Variants in PPP1R42 observed in about 807,000 individuals in gnomAD.
PPP1R42 encodes protein phosphatase 1 regulatory subunit 42, also known as leucine rich repeat containing 67.
PPP1R42 carries 34 observed loss-of-function variants against 31.0 expected under a neutral mutation model. The observed-to-expected ratio is 1.10, with a 90% confidence interval of 0.83 to 1.46. The LOEUF (loss-of-function observed/expected upper bound fraction) is 1.46, where lower values mean the gene tolerates loss of function less well. Ranked by LOEUF, PPP1R42 falls within the 40% of genes most tolerant of loss-of-function variation. The pLI, the probability that PPP1R42 is intolerant of heterozygous loss-of-function variation, is 0.00. For synonymous variants in PPP1R42, 103 were observed against 109.8 expected (o/e 0.94, Z 0.39); for missense variants, 268 against 303.0 (o/e 0.88, Z 0.86).
chr8:66,981,641 A>C (rs1814841578), intron 7 of PPP1R42, among the ~76,000 whole-genome samples: 1 of 152,112 alleles, frequency 6.6e-6, no homozygotes, highest in Admixed American at 6.5e-5. Context: ...TCATCCTCCC[A>C]AAGTGCTGGG....
chr8:67,013,563 T>C (rs568315346), intron 3 of PPP1R42, among the ~76,000 whole-genome samples: 11 of 151,740 alleles, frequency 7.2e-5, no homozygotes, highest in African/African-American at 1.9e-4. Flanking sequence ...AATAAATAAA[T>C]AAGCAAGCCA....
intron 5 of PPP1R42, among the ~76,000 whole-genome samples, chr8:67,000,019 A>T (rs1815437742): frequency 6.6e-6 from 1 of 152,030 alleles, no homozygotes; most frequent in African/African-American, 2.4e-5. Context: ...AATTTTATTA[A>T]TATTTGCAAA....
chr8:67,010,213 A>G (rs1309982735), intron 5 of PPP1R42, among the ~76,000 whole-genome samples: 1 of 152,234 alleles, frequency 6.6e-6, no homozygotes, highest in Non-Finnish European at 1.5e-5. Context: ...TGGCCAATAC[A>G]TATTTGATTA....
intron 5 of PPP1R42, among the ~76,000 whole-genome samples, chr8:66,992,618 A>G (rs367767703): frequency 6.6e-6 from 1 of 152,138 alleles, no homozygotes. Flanking sequence ...TCTATAATCT[A>G]TGTTTATTCC....
intron 7 of PPP1R42, among the ~76,000 whole-genome samples, chr8:66,965,898 G>C (rs1453277183): frequency 6.6e-6 from 1 of 152,064 alleles, no homozygotes; most frequent in Non-Finnish European, 1.5e-5. Context: ...ATTCCAGCCT[G>C]GGCAACAAAA....
chr8:66,986,752 C>A (rs1213549551), intron 6 of PPP1R42, among the ~76,000 whole-genome samples: 5 of 152,192 alleles, frequency 3.3e-5, no homozygotes, highest in Admixed American at 3.3e-4. Context: ...ACTGCTAGAA[C>A]GAAGAGTGAG....
intron 1 of PPP1R42, among the ~76,000 whole-genome samples, chr8:67,019,944 TCTTAAGCTA>T (rs1217421600): frequency 6.6e-6 from 1 of 151,890 alleles, no homozygotes; most frequent in Non-Finnish European, 1.5e-5. Context: ...CAGAGATTTA[TCTTAAGCTA>T]CTCAAGCTAG....
chr8:66,984,454 T>G, intron 6 of PPP1R42: 1 of 1,283,746 alleles, frequency 7.8e-7, no homozygotes, highest in East Asian at 2.3e-5. Context: ...GTTGACACCC[T>G]TGTGCAGTAA....
At chr8:66,973,695 T>C (rs368150946) in intron 7 of PPP1R42, among the ~76,000 whole-genome samples, 3 of 152,208 alleles carry the variant, frequency 2.0e-5, no homozygotes, top group Non-Finnish European at 2.9e-5. Flanking sequence ...CTCTAGAGTT[T>C]ATTCATCTTG....
chr8:67,023,899 C>A (rs1225512893), intron 1 of PPP1R42, among the ~76,000 whole-genome samples: 1 of 151,464 alleles, frequency 6.6e-6, no homozygotes, highest in Non-Finnish European at 1.5e-5. Flanking sequence ...AATCCCAGCA[C>A]TTTGGGAGGC....
rs1002694318 is a variant in PPP1R42, at chr8:67,013,011, G to C, written c.382C>G (p.Leu128Val). ...AACAGAAGCTTTTCCCCAAGGGGAAGCCTCTGATTCTCAACATGAAGCTCT... is the reference window on the plus strand; with the variant it reads ...AACAGAAGCTTTTCCCCAAGGGGAACCCTCTGATTCTCAACATGAAGCTCT... The part of the protein sequence containing the change: ...LRELHVENQR[L>V]PLGEKLLFDP... The change falls in exon 4 of 8, where the codon CTT (leucine) becomes GTT (valine). Residue 128 changes from leucine to valine, a missense_variant. Leu to Val is a conservative substitution (Grantham distance 32, BLOSUM62 1). Coordinates refer to ENST00000685739, the MANE Select transcript of PPP1R42 (RefSeq NM_001364910.1). 1.9e-6 allele frequency: 3 copies of C among 1,612,216 alleles called. No homozygotes were observed. In the African/African-American group the frequency reaches 4.0e-5, roughly 22 times the overall value.
At chr8:67,003,019 G>C (rs35207732) in intron 5 of PPP1R42, among the ~76,000 whole-genome samples, 1 of 149,856 alleles carries the variant, frequency 6.7e-6, no homozygotes, top group East Asian at 2.0e-4. Flanking sequence ...AAAAAAATTA[G>C]CTGGGCGTGG....
At chr8:66,986,864 T>C (rs1366611921) in intron 6 of PPP1R42, among the ~76,000 whole-genome samples, 3 of 152,174 alleles carry the variant, frequency 2.0e-5, no homozygotes, top group Non-Finnish European at 4.4e-5. Context: ...CTTTTCTCCC[T>C]AATTTAACAG....
At chr8:67,027,820 T>C (rs1346667520) in intron 1 of PPP1R42, among the ~76,000 whole-genome samples, 1 of 152,196 alleles carries the variant, frequency 6.6e-6, no homozygotes, top group Non-Finnish European at 1.5e-5. Flanking sequence ...CTTCTAGATA[T>C]CTCGTGTTAC....
intron 6 of PPP1R42, chr8:66,984,485 G>C: frequency 3.2e-6 from 4 of 1,261,892 alleles, no homozygotes; most frequent in Non-Finnish European, 4.6e-6. Flanking sequence ...ATCAGGTACA[G>C]TTGCCCAGCA....
chr8:67,003,375 A>G (rs1342971261), intron 5 of PPP1R42, among the ~76,000 whole-genome samples: 2 of 108,490 alleles, frequency 1.8e-5, no homozygotes, highest in Admixed American at 1.9e-4. Flanking sequence ...GTTATGATTT[A>G]CATTTTCATG....
chr8:66,986,944 A>G (rs553308362), intron 6 of PPP1R42, among the ~76,000 whole-genome samples: 1 of 152,218 alleles, frequency 6.6e-6, no homozygotes, highest in South Asian at 2.1e-4. Context: ...CGGGTGGACC[A>G]CTTGAGGTCA....
rs1281754020 is a variant in PPP1R42, at chr8:67,022,558, T to A, written c.-84-4727A>T. On this transcript the variant is annotated intron_variant, in intron 1 of 7. Transcript: ENST00000685739. ...GTCAAATGTATCACTATTTTTCTCA[T>A]GTTTTGTGCTTTTTGTGGCTTATTT... is the stretch of plus-strand genomic sequence containing the variant. Among the ~76,000 whole-genome samples, 4 of 152,138 alleles carry A rather than the reference T, an allele frequency of 2.6e-5. No individual in the cohort carries two copies. The East Asian group carries it at 5.8e-4, about 22-fold the overall frequency.
At chr8:66,985,454 C>A (rs1214783789) in intron 6 of PPP1R42, 2 of 864,946 alleles carry the variant, frequency 2.3e-6, no homozygotes, top group Non-Finnish European at 3.9e-6. Flanking sequence ...CCTTGCTCAT[C>A]TAGGATCAGT....
Sources: allele counts gnomAD v4.1 joint callset (sites outside exome capture counted in the v4.1 genomes callset), GRCh38; gene constraint gnomAD v4.1.1; transcripts MANE v1.5; gene names NCBI Gene and HGNC (gene_info 2026-07-23, HGNC 2026-07-21).